SLC14A2: variants seen among roughly 807,000 people sequenced by gnomAD.
The protein encoded by SLC14A2 is solute carrier family 14 member 2, also known as urea transporter 2.
Under a neutral mutation model 104.6 loss-of-function variants are expected in SLC14A2, and 91 were observed. The ratio of observed to expected loss-of-function variants is 0.87; its 90% CI spans 0.73 to 1.04. The LOEUF (loss-of-function observed/expected upper bound fraction) is 1.04, where lower values mean the gene tolerates loss of function less well. Among genes scored for constraint, SLC14A2 ranks in the 50% least tolerant of loss-of-function variants. The probability of loss-of-function intolerance (pLI) is 0.00; values close to 1 mark genes in which losing one functional copy is unlikely to be tolerated. For missense variants in SLC14A2, 1,189 were observed against 1,156.0 expected (o/e 1.03, Z -0.41); for synonymous variants, 476 against 466.4 (o/e 1.02, Z -0.27).
chr18:45,449,391 A>G (rs2542983), intron 1 of SLC14A2, among the ~76,000 whole-genome samples: 36,104 of 152,032 alleles, frequency 0.24, 4,555 homozygotes, highest in South Asian at 0.41. Context: ...CCCAACTCTG[A>G]CCATTTCCAA....
At chr18:45,497,974 T>G (rs796251882) in intron 2 of SLC14A2, among the ~76,000 whole-genome samples, 53 of 152,288 alleles carry the variant, frequency 3.5e-4, no homozygotes, top group African/African-American at 1.2e-3. Flanking sequence ...TAGACAAGCT[T>G]CAAGATCTCA....
intron 1 of SLC14A2, among the ~76,000 whole-genome samples, chr18:45,241,745 A>G (rs1459676889): frequency 6.7e-6 from 1 of 150,226 alleles, no homozygotes; most frequent in Non-Finnish European, 1.5e-5. Flanking sequence ...TTGGATTCAA[A>G]CGACTCTCCT....
At chr18:45,233,385 T>C (rs1028721379) in intron 1 of SLC14A2, among the ~76,000 whole-genome samples, 1 of 152,140 alleles carries the variant, frequency 6.6e-6, no homozygotes, top group African/African-American at 2.4e-5. Flanking sequence ...GTTATACAAA[T>C]TATGTGACTC....
intron 2 of SLC14A2, among the ~76,000 whole-genome samples, chr18:45,554,550 T>C (rs762317714): frequency 3.9e-5 from 6 of 151,926 alleles, no homozygotes; most frequent in Non-Finnish European, 7.4e-5. Context: ...CTGGAAGGGA[T>C]CACAGAGCAC....
chr18:45,231,600 T>C lies in SLC14A2; in HGVS notation c.-125+18409T>C, dbSNP rs934187965. Among the ~76,000 whole-genome samples, 3 of 152,236 alleles carry C rather than the reference T, an allele frequency of 2.0e-5. No individual in the cohort carries two copies. In the South Asian group the frequency reaches 6.2e-4, roughly 32 times the overall value. Reference sequence around the variant, plus strand: ...GTCTCCAGTCAGGATACTCTGACCATTCCTTTCTCATCATTAAACACTCAA... The same window carrying C: ...GTCTCCAGTCAGGATACTCTGACCACTCCTTTCTCATCATTAAACACTCAA... On this transcript the variant is annotated intron_variant, in intron 1 of 20. Transcript: ENST00000586448.
intron 1 of SLC14A2, among the ~76,000 whole-genome samples, chr18:45,363,398 G>A (rs906463685): frequency 1.3e-5 from 2 of 152,128 alleles, no homozygotes; most frequent in African/African-American, 4.8e-5. Flanking sequence ...CTAATAAGTA[G>A]GTCTGTGAAA....
In SLC14A2 at chr18:45,478,082, T is replaced by A. The variant is rs184478934; in HGVS notation, c.-124-5151T>A. Reference sequence around the variant, plus strand: ...GGTGTCTGCCCAAACAACCACCTACTTTTGTGCTTGAAACCCAGGGCCCCG... The same window carrying A: ...GGTGTCTGCCCAAACAACCACCTACATTTGTGCTTGAAACCCAGGGCCCCG... On this transcript the variant is annotated intron_variant, in intron 1 of 20. Transcript: ENST00000586448. Among the ~76,000 whole-genome samples, 3 of 152,190 alleles carry A rather than the reference T, an allele frequency of 2.0e-5. No homozygotes were observed. The East Asian group carries it at 5.8e-4, about 29-fold the overall frequency.
intron 1 of SLC14A2, among the ~76,000 whole-genome samples, chr18:45,346,300 C>T (rs1378553378): frequency 6.6e-6 from 1 of 152,172 alleles, no homozygotes. Context: ...GGATTACAGG[C>T]ATGCACCACC....
chr18:45,615,241 T>A (rs1400075261), upstream of SLC14A2: 1 of 152,224 alleles, frequency 6.6e-6, no homozygotes, highest in Non-Finnish European at 1.5e-5. Context: ...TTTTGAAATG[T>A]ATAAAGAACA....
intron 1 of SLC14A2, among the ~76,000 whole-genome samples, chr18:45,286,879 G>A (rs1475519790): frequency 1.3e-5 from 2 of 152,174 alleles, no homozygotes; most frequent in Non-Finnish European, 2.9e-5. Context: ...ATGTGAACCT[G>A]TAAAAACAGG....
chr18:45,221,312 C>A (rs144556008), intron 1 of SLC14A2, among the ~76,000 whole-genome samples: 1 of 152,324 alleles, frequency 6.6e-6, no homozygotes, highest in East Asian at 1.9e-4. Context: ...TCTAGCCTCA[C>A]ATCCTTATTG....
At chr18:45,552,495 C>T (rs1379474882) in intron 2 of SLC14A2, among the ~76,000 whole-genome samples, 1 of 152,140 alleles carries the variant, frequency 6.6e-6, no homozygotes. Context: ...CGACTTAGCC[C>T]ACACTACAAT....
chr18:45,312,936 A>T (rs1318838499), intron 1 of SLC14A2, among the ~76,000 whole-genome samples: 1 of 152,178 alleles, frequency 6.6e-6, no homozygotes, highest in Non-Finnish European at 1.5e-5. Flanking sequence ...AGGCTCAGGG[A>T]AGCCGGTTGG....
chr18:45,637,277 C>G (rs2045434332), intron 6 of SLC14A2, 95 bp downstream of exon 6: 3 of 943,172 alleles, frequency 3.2e-6, no homozygotes, highest in Middle Eastern at 2.2e-4. Flanking sequence ...CTCAACTTCT[C>G]TAGAAACATC....
At chr18:45,235,747 C>T (rs1313871162) in intron 1 of SLC14A2, among the ~76,000 whole-genome samples, 1 of 149,942 alleles carries the variant, frequency 6.7e-6, no homozygotes, top group Non-Finnish European at 1.5e-5. Flanking sequence ...CTGCAAATGA[C>T]AAGATTTCAT....
intron 2 of SLC14A2, among the ~76,000 whole-genome samples, chr18:45,602,746 C>T (rs1169120090): frequency 6.6e-6 from 1 of 152,194 alleles, no homozygotes; most frequent in Non-Finnish European, 1.5e-5. Flanking sequence ...CTTCTGCTTC[C>T]TTGTGGTAAA....
the SLC14A2 span, among the ~76,000 whole-genome samples, chr18:45,192,636 G>GTTTTTTTTTTTTTTTT: frequency 3.5e-5 from 4 of 112,748 alleles, no homozygotes; most frequent in Non-Finnish European, 3.9e-5. Context: ...GTGTGTGTGT[G>GTTTTTTTTTTTTTTTT]GTTTTTTTTT....
intron 1 of SLC14A2, among the ~76,000 whole-genome samples, chr18:45,279,919 T>C (rs1599638719): frequency 6.6e-6 from 1 of 152,048 alleles, no homozygotes; most frequent in African/African-American, 2.4e-5. Flanking sequence ...GGTTGGAGGG[T>C]GTCCTGTGCC....
At chr18:45,257,964 G>A (rs1036753632) in intron 1 of SLC14A2, among the ~76,000 whole-genome samples, 9 of 152,158 alleles carry the variant, frequency 5.9e-5, no homozygotes, top group Non-Finnish European at 1.2e-4. Flanking sequence ...AAGCACTTTG[G>A]AAAACACTTG....
Sources: allele counts gnomAD v4.1 joint callset (sites outside exome capture counted in the v4.1 genomes callset), GRCh38; gene constraint gnomAD v4.1.1; transcripts MANE v1.5; gene names NCBI Gene and HGNC (gene_info 2026-07-23, HGNC 2026-07-21).